The following FOXP2 variants were observed in gnomAD, a reference collection of about 807,000 sequenced individuals.
FOXP2 encodes forkhead box P2.
Under a neutral mutation model 115.8 loss-of-function variants are expected in FOXP2, and 12 were observed. The ratio of observed to expected loss-of-function variants is 0.10; its 90% CI spans 0.07 to 0.17. The LOEUF (loss-of-function observed/expected upper bound fraction) is 0.17. Among genes scored for constraint, FOXP2 ranks in the 10% least tolerant of loss-of-function variants. The probability of loss-of-function intolerance (pLI) is 1.00; values close to 1 mark genes in which losing one functional copy is unlikely to be tolerated. For synonymous variants in FOXP2, 328 were observed against 297.7 expected, an observed-to-expected ratio of 1.10 and a Z score of -1.05; for missense variants, 629 against 843.5, an observed-to-expected ratio of 0.75 and a Z score of 3.15.
chr7:114,633,159 T>G (rs1805012548), intron 6 of FOXP2, among the ~76,000 whole-genome samples: 1 of 152,064 alleles, frequency 6.6e-6, no homozygotes, highest in Non-Finnish European at 1.5e-5. Flanking sequence ...TTAATTCAAG[T>G]AAACATTTTA....
rs553929800 is a variant in FOXP2, at chr7:114,639,139, A to T, written c.776-3271A>T. 2.6e-5 allele frequency among the ~76,000 whole-genome samples: 4 copies of T among 152,312 alleles called. No homozygotes were observed. In the South Asian group the frequency reaches 8.3e-4, roughly 32 times the overall value. ...ACATCGTTAGTTGGTATAATCTCTA[A>T]AACCATCTAAGAGTCTTAAACTGAG... On this transcript the variant is annotated intron_variant, in intron 6 of 16. Coordinates refer to ENST00000350908, the MANE Select transcript of FOXP2 (RefSeq NM_014491.4).
At chr7:114,099,704 T>C (rs1427144384) in intron 1 of FOXP2, among the ~76,000 whole-genome samples, 4 of 152,180 alleles carry the variant, frequency 2.6e-5, no homozygotes, top group African/African-American at 9.6e-5. Flanking sequence ...AGGACCTCCC[T>C]TGGACACCAG....
intron 1 of FOXP2, among the ~76,000 whole-genome samples, chr7:114,423,785 A>G (rs991404288): frequency 2.0e-5 from 3 of 151,652 alleles, no homozygotes; most frequent in Admixed American, 6.6e-5. Context: ...AGTGTTACCA[A>G]GAGAAACTTA....
At chr7:114,377,768 T>C (rs1792178492) in intron 2 of FOXP2, among the ~76,000 whole-genome samples, 1 of 152,224 alleles carries the variant, frequency 6.6e-6, no homozygotes, top group South Asian at 2.1e-4. Flanking sequence ...TTACTGATTA[T>C]TTTAAGAAAC....
chr7:114,495,479 C>CTTTTTTTT (rs1797263196), intron 2 of FOXP2, among the ~76,000 whole-genome samples: 1 of 94,070 alleles, frequency 1.1e-5, no homozygotes, highest in African/African-American at 4.1e-5. Flanking sequence ...TTCTTTCTCT[C>CTTTTTTTT]TCTCTTTTTT....
intron 2 of FOXP2, among the ~76,000 whole-genome samples, chr7:114,396,094 T>C (rs1007246641): frequency 6.6e-6 from 1 of 152,062 alleles, no homozygotes; most frequent in Non-Finnish European, 1.5e-5. Context: ...TGCTATCAAA[T>C]AGTAGGCCTT....
intron 1 of FOXP2, among the ~76,000 whole-genome samples, chr7:114,112,851 C>G (rs1791307142): frequency 6.6e-6 from 1 of 152,094 alleles, no homozygotes; most frequent in Non-Finnish European, 1.5e-5. Context: ...TTGGCTCTTT[C>G]TTCCTCACCC....
In FOXP2 at chr7:114,185,746, G is replaced by A. The variant is rs555587260; in HGVS notation, c.-102+22658G>A. Among the ~76,000 whole-genome samples, 9 of 152,180 alleles carry A rather than the reference G, an allele frequency of 5.9e-5. No homozygotes were observed. In the East Asian group the frequency reaches 1.2e-3, roughly 20 times the overall value. On this transcript the variant is annotated intron_variant, in intron 1 of 17. Transcript: ENST00000634411. Reference sequence around the variant, plus strand: ...AACCCTAGGTTCTTTGCCTCCAAAGGTTCCTGATAAAAATGAATCTCAAGA... The same window carrying A: ...AACCCTAGGTTCTTTGCCTCCAAAGATTCCTGATAAAAATGAATCTCAAGA...
intron 1 of FOXP2, among the ~76,000 whole-genome samples, chr7:114,093,806 C>T (rs892801329): frequency 2.0e-5 from 3 of 151,930 alleles, no homozygotes; most frequent in Non-Finnish European, 2.9e-5. Flanking sequence ...TGAGAAACAA[C>T]ATAACACTTA....
intron 1 of FOXP2, among the ~76,000 whole-genome samples, chr7:114,168,163 A>G (rs1394320913): frequency 6.6e-6 from 1 of 152,176 alleles, no homozygotes; most frequent in Non-Finnish European, 1.5e-5. Context: ...GTAAATTGGT[A>G]TCAGTAAATG....
chr7:114,638,480 G>A (rs1278857868), intron 6 of FOXP2, among the ~76,000 whole-genome samples: 2 of 152,220 alleles, frequency 1.3e-5, no homozygotes, highest in East Asian at 3.9e-4. Context: ...AAACCATCAA[G>A]CCTTCAAAGC....
intron 1 of FOXP2, among the ~76,000 whole-genome samples, chr7:114,119,669 C>T (rs1791505997): frequency 6.6e-6 from 1 of 152,136 alleles, no homozygotes; most frequent in African/African-American, 2.4e-5. Context: ...CATGATTGCA[C>T]CACTGCACTT....
At chr7:114,568,155 A>T (rs1383569474) in intron 3 of FOXP2, among the ~76,000 whole-genome samples, 1 of 151,936 alleles carries the variant, frequency 6.6e-6, no homozygotes, top group Admixed American at 6.6e-5. Context: ...GGACAGAGAA[A>T]TGTCACTATG....
chr7:114,271,514 A>C (rs1796038016), intron 1 of FOXP2, among the ~76,000 whole-genome samples: 1 of 131,318 alleles, frequency 7.6e-6, no homozygotes, highest in African/African-American at 2.9e-5. Flanking sequence ...TAATAATATA[A>C]TATTAATATA....
intron 2 of FOXP2, among the ~76,000 whole-genome samples, chr7:114,471,962 GAA>G (rs755686269): frequency 2.4e-4 from 29 of 120,656 alleles, no homozygotes; most frequent in Middle Eastern, 4.1e-3. Flanking sequence ...TCCATCTCAG[GAA>G]AAAAAAAAAA....
intron 2 of FOXP2, among the ~76,000 whole-genome samples, chr7:114,440,333 A>C (rs1794546164): frequency 6.6e-6 from 1 of 152,236 alleles, no homozygotes; most frequent in Admixed American, 6.5e-5. Flanking sequence ...TATAGTCAAT[A>C]AAATTCCACT....
chr7:114,450,006 TA>T (rs572359465), intron 2 of FOXP2, among the ~76,000 whole-genome samples: 159 of 152,234 alleles, frequency 1.0e-3, no homozygotes, highest in Middle Eastern at 3.4e-3. Flanking sequence ...CAAATTAATA[TA>T]AAATTAAATA....
chr7:114,604,606 C>T lies in FOXP2; in HGVS notation c.259-23934C>T, dbSNP rs145602538. On this transcript the variant is annotated intron_variant, in intron 3 of 16. Transcript: ENST00000350908. Reference sequence around the variant, plus strand: ...TTTGCAGAGGAATAAATATGGTTTTCTTCATTTTTAAGGCTGGTAGAGATA... The same window carrying T: ...TTTGCAGAGGAATAAATATGGTTTTTTTCATTTTTAAGGCTGGTAGAGATA... Among the ~76,000 whole-genome samples the T allele has an allele frequency of 5.8e-3, 880 of 152,190 alleles. 7 individuals carry two copies. Among genetic ancestry groups the T allele is most frequent in the African/African-American group, 0.02 (816 of 41,532 alleles).
chr7:114,330,108 G>GA (rs1288158994), intron 2 of FOXP2, among the ~76,000 whole-genome samples: 1 of 151,964 alleles, frequency 6.6e-6, no homozygotes, highest in Non-Finnish European at 1.5e-5. Context: ...CAAGTCTGTG[G>GA]ATTTTTTTTC....
Sources: gnomAD v4.1 joint callset for allele counts (sites outside exome capture counted in the v4.1 genomes callset) on GRCh38, gnomAD v4.1.1 for gene constraint, MANE v1.5 for transcripts, NCBI Gene and HGNC (gene_info 2026-07-23, HGNC 2026-07-21) for gene names.